MYCT1: variants seen among roughly 807,000 people sequenced by gnomAD.
The protein encoded by MYCT1 is MYC target 1.
MYCT1 carries 12 observed loss-of-function variants against 15.0 expected under a neutral mutation model. That is an observed-to-expected ratio of 0.80 (90% CI 0.51 to 1.29). MYCT1 has a LOEUF of 1.29. MYCT1 is among the 50% of genes most tolerant of loss of function. The pLI is 0.00. For synonymous variants in MYCT1, 104 were observed against 102.7 expected, an observed-to-expected ratio of 1.01 and a Z score of -0.07; for missense variants, 287 against 279.1, an observed-to-expected ratio of 1.03 and a Z score of -0.20.
chr6:152,727,748 A>G (rs1221073921), downstream of MYCT1, among the ~76,000 whole-genome samples: 1 of 151,490 alleles, frequency 6.6e-6, no homozygotes, highest in Non-Finnish European at 1.5e-5. Context: ...CCCTGCTCCC[A>G]ATGGCTGTCA....
At chr6:152,720,897 T>G (rs1057377944) in intron 1 of MYCT1, among the ~76,000 whole-genome samples, 1 of 152,206 alleles carries the variant, frequency 6.6e-6, no homozygotes, top group Non-Finnish European at 1.5e-5. Flanking sequence ...TTCAAGAATA[T>G]GTATTTAGTT....
the MYCT1 span, among the ~76,000 whole-genome samples, chr6:152,732,255 T>A: frequency 4.9e-4 from 74 of 152,174 alleles, no homozygotes; most frequent in South Asian, 3.9e-3. Flanking sequence ...TAACAGAAGA[T>A]CCTCGGCCTA....
At chr6:152,703,547 G>A (rs1178568156) in intron 1 of MYCT1, among the ~76,000 whole-genome samples, 1 of 152,100 alleles carries the variant, frequency 6.6e-6, no homozygotes, top group East Asian at 1.9e-4. Flanking sequence ...CATCAATACA[G>A]TTCCCCCTAA....
intron 1 of MYCT1, among the ~76,000 whole-genome samples, chr6:152,715,267 G>A (rs952366289): frequency 2.0e-5 from 3 of 152,112 alleles, no homozygotes; most frequent in Admixed American, 2.0e-4. Flanking sequence ...TTTGATACAT[G>A]TTAGTCTATC....
At chr6:152,738,687 C>A in the MYCT1 span, among the ~76,000 whole-genome samples, 1 of 151,992 alleles carries the variant, frequency 6.6e-6, no homozygotes, top group East Asian at 1.9e-4. Flanking sequence ...ACAGCGTTTC[C>A]CAGCACATAG....
intron 1 of MYCT1, among the ~76,000 whole-genome samples, chr6:152,704,557 A>G (rs2099721932): frequency 6.6e-6 from 1 of 152,184 alleles, no homozygotes; most frequent in African/African-American, 2.4e-5. Context: ...AATCAGGGTA[A>G]TCAGCACATC....
At chr6:152,702,626 G>T (rs2129068221) in intron 1 of MYCT1, among the ~76,000 whole-genome samples, 1 of 152,204 alleles carries the variant, frequency 6.6e-6, no homozygotes, top group East Asian at 1.9e-4. Context: ...CAGCAGATGG[G>T]CATAGGATGT....
the MYCT1 span, among the ~76,000 whole-genome samples, chr6:152,731,542 C>G: frequency 6.6e-6 from 1 of 152,178 alleles, no homozygotes; most frequent in Non-Finnish European, 1.5e-5. Flanking sequence ...CACGACAGGC[C>G]CTGGTGTGTG....
downstream of MYCT1, among the ~76,000 whole-genome samples, chr6:152,727,103 C>A (rs1043463705): frequency 6.6e-6 from 1 of 150,822 alleles, no homozygotes; most frequent in Admixed American, 6.6e-5. Flanking sequence ...CCCAGCTACT[C>A]GGGAGGCTGA....
the MYCT1 span, among the ~76,000 whole-genome samples, chr6:152,733,260 T>C: frequency 6.6e-6 from 1 of 152,052 alleles, no homozygotes; most frequent in Non-Finnish European, 1.5e-5. Flanking sequence ...CATGCCACCA[T>C]GCCTGGCTAA....
At chr6:152,705,765 T>C (rs2099722151) in intron 1 of MYCT1, 2 of 510,864 alleles carry the variant, frequency 3.9e-6, no homozygotes, top group Admixed American at 3.2e-5. Flanking sequence ...CTTGGACTCA[T>C]AGACTCCAGC....
chr6:152,732,667 T>G, the MYCT1 span, among the ~76,000 whole-genome samples: 1 of 152,192 alleles, frequency 6.6e-6, no homozygotes, highest in Non-Finnish European at 1.5e-5. Flanking sequence ...ACAATTAGGA[T>G]TTATTATAAG....
At chr6:152,735,035 T>C in the MYCT1 span, among the ~76,000 whole-genome samples, 2 of 152,216 alleles carry the variant, frequency 1.3e-5, no homozygotes, top group Non-Finnish European at 2.9e-5. Flanking sequence ...GTAATGCTGC[T>C]GAAAGAAGGT....
At chr6:152,744,630 T>C in the MYCT1 span, among the ~76,000 whole-genome samples, 2 of 152,044 alleles carry the variant, frequency 1.3e-5, no homozygotes, top group Admixed American at 1.3e-4. Flanking sequence ...AGGAATGTAG[T>C]CTCTTCCAAG....
At position 152,721,898 on chromosome 6, in the gene MYCT1, A is replaced by G. The variant is rs2099724776; in HGVS notation, c.353A>G (p.His118Arg). The G allele has an allele frequency of 1.2e-6, 2 of 1,613,922 alleles. No homozygotes were observed. ...SSRRSRSSYTHGLNRTGFYRH... is the reference protein window; with the variant it reads ...SSRRSRSSYTRGLNRTGFYRH... ...AGGAGATCTAGGTCTTCTTACACCC[A>G]CGGCCTCAACAGAACTGGATTTTAC... Residue 118 changes from histidine (H) to arginine (R), a missense_variant, in exon 2 of 2, where the codon CAC (histidine) becomes CGC (arginine). His to Arg is a conservative substitution (Grantham distance 29). Coordinates refer to ENST00000367245, the MANE Select transcript of MYCT1 (RefSeq NM_025107.3).
At chr6:152,714,631 T>C (rs1026721901) in intron 1 of MYCT1, among the ~76,000 whole-genome samples, 1 of 151,534 alleles carries the variant, frequency 6.6e-6, no homozygotes, top group Non-Finnish European at 1.5e-5. Flanking sequence ...TTTTAACTTG[T>C]TAATTTTTTA....
At chr6:152,699,333 C>CT (rs1404126722) in intron 1 of MYCT1, among the ~76,000 whole-genome samples, 1 of 152,004 alleles carries the variant, frequency 6.6e-6, no homozygotes, top group African/African-American at 2.4e-5. Flanking sequence ...TTAACTCATT[C>CT]TTTTTTTCTC....
At chr6:152,705,697 A>T (rs2099722134) in intron 1 of MYCT1, 1 of 188,390 alleles carries the variant, frequency 5.3e-6, no homozygotes, top group Admixed American at 6.2e-5. Context: ...TTTAATGTTT[A>T]TTATTTTAAT....
intron 1 of MYCT1, among the ~76,000 whole-genome samples, chr6:152,712,880 C>T (rs375139106): frequency 6.0e-5 from 9 of 150,510 alleles, no homozygotes; most frequent in South Asian, 2.1e-4. Flanking sequence ...TTGACTATGA[C>T]GTGCATAGTT....
Sources: gnomAD v4.1 joint callset for allele counts (sites outside exome capture counted in the v4.1 genomes callset) on GRCh38, gnomAD v4.1.1 for gene constraint, MANE v1.5 for transcripts, NCBI Gene and HGNC (gene_info 2026-07-23, HGNC 2026-07-21) for gene names.